Variants in TM7SF2 observed in about 807,000 individuals in gnomAD.
TM7SF2 encodes the protein delta(14)-sterol reductase TM7SF2.
A neutral mutation model predicts 51.0 loss-of-function variants in TM7SF2; 51 were observed. The observed-to-expected ratio is 1.00, with a 90% CI of 0.80 to 1.26. TM7SF2 has a LOEUF of 1.26. Among genes scored for constraint, TM7SF2 ranks in the 50% most tolerant of loss-of-function variants. TM7SF2 has a pLI of 0.00. For synonymous variants in TM7SF2, 255 were observed against 241.0 expected (o/e 1.06, Z -0.54); for missense variants, 541 against 547.4 (o/e 0.99, Z 0.12).
chr11:65,113,827 AAAAT>A (rs565154000), intron 5 of TM7SF2: 298 of 572,282 alleles, frequency 5.2e-4, no homozygotes, highest in Non-Finnish European at 6.5e-4. Context: ...AAGACAGAAA[AAAAT>A]AAGTAAAATA....
chr11:65,113,259 T>G lies in TM7SF2; in HGVS notation c.344T>G (p.Leu115Arg). Residue 115 changes from leucine (L) to arginine (R), a missense_variant, in exon 4 of 10, where the codon CTG becomes CGG. Coordinates refer to ENST00000279263, the MANE Select transcript of TM7SF2 (RefSeq NM_003273.6). ...ALVLTALLVG[L>R]GMSAGLPLGA... ...GTGCTGACAGCCCTGTTGGTGGGGC[T>G]GGGGATGTCAGCGGGGCTGCCTCTG... The G allele has an allele frequency of 6.2e-7, 1 of 1,606,978 alleles. No individual in the cohort carries two copies. Among genetic ancestry groups the G allele is most frequent in the Non-Finnish European group, 8.5e-7 (1 of 1,179,894 alleles).
At chr11:65,114,684 G>C (rs751346635) in intron 5 of TM7SF2, 29 bp from the exon 6 acceptor site, 10 of 1,609,950 alleles carry the variant, frequency 6.2e-6, no homozygotes, top group Non-Finnish European at 8.5e-6. Context: ...CACTTCTGTG[G>C]AGACTATTGC....
At position 65,112,729 on chromosome 11, in the gene TM7SF2, G is replaced by T. The variant is rs973770136; in HGVS notation, c.249+18G>T. The T allele has an allele frequency of 6.5e-7, 1 of 1,548,080 alleles. No individual in the cohort carries two copies. Among genetic ancestry groups the T allele is most frequent in the African/African-American group, 1.4e-5 (1 of 72,982 alleles). On this transcript the variant is annotated intron_variant, in intron 2 of 9. Transcript: ENST00000279263. ...CGCGCAAGGTGCGGGCCCCGCTCGCGGACGCTCGGGGGAGGGAAGCGAATG... is the reference window on the plus strand; with the variant it reads ...CGCGCAAGGTGCGGGCCCCGCTCGCTGACGCTCGGGGGAGGGAAGCGAATG...
At chr11:65,114,620 T>C in intron 5 of TM7SF2, 93 bp from the exon 6 acceptor site, 12 of 1,457,230 alleles carry the variant, frequency 8.2e-6, no homozygotes, top group Non-Finnish European at 1.1e-5. Flanking sequence ...AGAGCTGGAG[T>C]GTAACTGACA....
At chr11:65,113,040 C>A in intron 3 of TM7SF2, 175 bp downstream of exon 3, 1 of 1,030,410 alleles carries the variant, frequency 9.7e-7, no homozygotes, top group Non-Finnish European at 1.4e-6. Flanking sequence ...CAGCCTTACC[C>A]CATTTACTGC....
In TM7SF2 at chr11:65,115,597, C is replaced by T. The variant is rs746164107; in HGVS notation, c.1095C>T (p.Cys365=). 2.0e-5 allele frequency: 32 copies of T among 1,613,754 alleles called. No individual in the cohort carries two copies. The highest frequency in any genetic ancestry group is 3.3e-4 in the Middle Eastern group (2 of 6,024). The part of the protein sequence containing the change: ...LIMALAWSLP[C]GVSHLLPYFY... ...TGGCTCTGGCTTGGTCCTTGCCCTG[C>T]GGTGAGTGGCCCATGTGGATATGGG... Residue 365 remains cysteine (C), a splice_region_variant and synonymous_variant, in exon 9 of 10, where the codon TGC becomes TGT. Transcript: ENST00000279263.
In TM7SF2 at chr11:65,112,578, C is replaced by A; in HGVS notation, c.116C>A (p.Ser39Ter). The A allele has an allele frequency of 6.6e-7, 1 of 1,521,464 alleles. No individual in the cohort carries two copies. Among genetic ancestry groups the A allele is most frequent in the Non-Finnish European group, 8.7e-7 (1 of 1,142,954 alleles). 94.2% of individuals were successfully genotyped at this position (1,521,464 alleles called of 1,614,324 possible). Residue 39 changes from serine to a stop codon, truncating the protein, a stop_gained, in exon 2 of 10, where the codon TCG becomes TAG. Transcript: ENST00000279263. LOFTEE classifies it high-confidence loss of function. ...TTCCACCTGCTCCTGGCGGCCCGTTCGGGCCCCGCGCGCCTGCTGGGTCCA... is the reference window on the plus strand; with the variant it reads ...TTCCACCTGCTCCTGGCGGCCCGTTAGGGCCCCGCGCGCCTGCTGGGTCCA... ...TMFHLLLAARSGPARLLGPPA... is the reference protein window; with the variant it reads ...TMFHLLLAAR
chr11:65,113,588 C>T lies in TM7SF2; in HGVS notation c.597C>T (p.Ile199=). 4 of 1,576,754 alleles carry T rather than the reference C, an allele frequency of 2.5e-6. No homozygotes were observed. The highest frequency in any genetic ancestry group is 1.4e-5 in the African/African-American group (1 of 74,004). The part of the protein sequence containing the change: ...KYFCELRPGL[I]GWVLINLALL... Reference sequence around the variant, plus strand: ...TCTGTGAACTGCGACCCGGCCTCATCGGCTGGGTATGTTGGGCTTGACTGA... The same window carrying T: ...TCTGTGAACTGCGACCCGGCCTCATTGGCTGGGTATGTTGGGCTTGACTGA... Residue 199 remains isoleucine, a synonymous_variant, in exon 5 of 10, where the codon ATC becomes ATT. Coordinates refer to ENST00000279263, the MANE Select transcript of TM7SF2 (RefSeq NM_003273.6).
Position 65,115,408 on chromosome 11 carries a change from C to A in TM7SF2, c.973+14C>A. The A allele has an allele frequency of 6.2e-7, 1 of 1,614,196 alleles. No individual in the cohort carries two copies. The highest frequency in any genetic ancestry group is 8.5e-7 in the Non-Finnish European group (1 of 1,180,024). On this transcript the variant is annotated intron_variant, in intron 8 of 9. Coordinates refer to ENST00000279263, the MANE Select transcript of TM7SF2 (RefSeq NM_003273.6). ...CCAGAGTGGCTGGTGAGCTGGTTCT[C>A]TAGGGCCATGGGTGAGGTGGGGCAG...
At position 65,111,989 on chromosome 11, in the gene TM7SF2, C is replaced by T. The variant is rs1394565073; in HGVS notation, c.-27C>T. The T allele has an allele frequency of 1.3e-6, 2 of 1,571,016 alleles. No homozygotes were observed. Among genetic ancestry groups the T allele is most frequent in the African/African-American group, 2.7e-5 (2 of 74,418 alleles). ...TTTCCTTGACTGACTATTGTGAGCG[C>T]CCTCTCTCTCCGGCGGAGCGGAGAC... is the stretch of plus-strand genomic sequence containing the variant. On this transcript the variant is annotated 5_prime_UTR_variant, in exon 1 of 10. Transcript: ENST00000279263.
At chr11:65,113,633 G>T in intron 5 of TM7SF2, 39 bp downstream of exon 5, 5 of 1,576,806 alleles carry the variant, frequency 3.2e-6, no homozygotes, top group Middle Eastern at 3.6e-4. Flanking sequence ...AGGCCAGGGG[G>T]AGGGTTAGGG....
chr11:65,112,657 G>T lies in TM7SF2; in HGVS notation c.195G>T (p.Leu65=). The T allele has an allele frequency of 6.5e-7, 1 of 1,534,746 alleles. No homozygotes were observed. Reference sequence around the variant, plus strand: ...TGTGGAGCCCACGGGCGCTGCTGCTGTGGCTCGCCTGGCTCGGCCTGCAGG... The same window carrying T: ...TGTGGAGCCCACGGGCGCTGCTGCTTTGGCTCGCCTGGCTCGGCCTGCAGG... ...EVLWSPRALL[L]WLAWLGLQAA... is the part of the protein sequence containing the mutation. The change falls in exon 2 of 10, where the codon CTG becomes CTT. Residue 65 remains leucine, a synonymous_variant. Coordinates refer to ENST00000279263, the MANE Select transcript of TM7SF2 (RefSeq NM_003273.6).
Position 65,111,879 on chromosome 11 carries a change from T to C in TM7SF2, c.-137T>C, listed in dbSNP as rs1565320157. ...GGGACGAGAGCGGTCCTTGTCTGCG[T>C]TCCGTGTCCAGGCAGGTGCAGGCGC... is the stretch of plus-strand genomic sequence containing the variant. On this transcript the variant is annotated 5_prime_UTR_variant, in exon 1 of 10. Coordinates refer to ENST00000279263, the MANE Select transcript of TM7SF2 (RefSeq NM_003273.6). 1 of 1,084,422 alleles carries C rather than the reference T, an allele frequency of 9.2e-7. No homozygotes were observed. Among genetic ancestry groups the C allele is most frequent in the East Asian group, 2.6e-5 (1 of 38,752 alleles). 67.2% of individuals were successfully genotyped at this position (1,084,422 alleles called of 1,614,324 possible).
At chr11:65,112,475 G>A (rs901473586) in intron 1 of TM7SF2, 40 bp from the exon 2 acceptor site, 14 of 1,490,056 alleles carry the variant, frequency 9.4e-6, no homozygotes, top group Non-Finnish European at 1.2e-5. Flanking sequence ...GGAGCTGGGG[G>A]GCTAGGGGCG....
In TM7SF2 at chr11:65,116,078, G is replaced by C. The variant is rs777690598; in HGVS notation, c.*25G>C. The C allele has an allele frequency of 6.3e-7, 1 of 1,593,324 alleles. No individual in the cohort carries two copies. The highest frequency in any genetic ancestry group is 1.3e-5 in the African/African-American group (1 of 74,658). On this transcript the variant is annotated 3_prime_UTR_variant, in exon 10 of 10. Coordinates refer to ENST00000279263, the MANE Select transcript of TM7SF2 (RefSeq NM_003273.6). ...AAGCGGCTCCACCACCCCAGGTGGG[G>C]GCATGTGCCCACTCATCCACCAGCA...
Position 65,114,684 on chromosome 11 carries a change from G to T in TM7SF2, c.604-29G>T, listed in dbSNP as rs751346635. 3.7e-6 allele frequency: 6 copies of T among 1,609,950 alleles called. No homozygotes were observed. In the South Asian group the frequency reaches 6.6e-5, roughly 18 times the overall value. On this transcript the variant is annotated intron_variant, in intron 5 of 9. Coordinates refer to ENST00000279263, the MANE Select transcript of TM7SF2 (RefSeq NM_003273.6). ...TCTGCCCAAGGCTGCCACTTCTGTG[G>T]AGACTATTGCCTTGTTCCCTCTCCC...
chr11:65,115,043 T>C lies in TM7SF2; in HGVS notation c.854T>C (p.Leu285Pro), dbSNP rs1947959177. 6.2e-6 allele frequency: 10 copies of C among 1,613,990 alleles called. No individual in the cohort carries two copies. The highest frequency in any genetic ancestry group is 8.5e-6 in the Non-Finnish European group (10 of 1,179,992). The change falls in exon 7 of 10, where the codon CTG becomes CCG. Residue 285 changes from leucine to proline, a missense_variant. Leu to Pro is a moderately conservative substitution (Grantham distance 98, BLOSUM62 -3). Coordinates refer to ENST00000279263, the MANE Select transcript of TM7SF2 (RefSeq NM_003273.6). ...TTCCTGCTGCACCACCCGCAGCCCC[T>C]GGGGTTGCCCATGGCCTCTGTCATC... ...AQFLLHHPQP[L>P]GLPMASVICL...
At chr11:65,115,698 CAGAG>C in intron 9 of TM7SF2, 100 bp downstream of exon 9, 10 of 1,602,352 alleles carry the variant, frequency 6.2e-6, no homozygotes, top group Non-Finnish European at 8.5e-6. Flanking sequence ...TGAGAGTAGT[CAGAG>C]AGCTGGGGGT....
At chr11:65,114,500 T>C (rs932292003) in intron 5 of TM7SF2, among the ~76,000 whole-genome samples, 4 of 152,272 alleles carry the variant, frequency 2.6e-5, no homozygotes, top group African/African-American at 9.6e-5. Context: ...GTTTGAGCAC[T>C]GAAGCCTTAG....
Sources: allele counts gnomAD v4.1 joint callset (sites outside exome capture counted in the v4.1 genomes callset), GRCh38; gene constraint gnomAD v4.1.1; transcripts MANE v1.5; gene names NCBI Gene and HGNC (gene_info 2026-07-23, HGNC 2026-07-21).